Variants in ARHGEF3 observed in about 807,000 individuals in gnomAD.
ARHGEF3 encodes Rho guanine nucleotide exchange factor 3.
ARHGEF3 carries 28 observed loss-of-function variants against 63.2 expected under a neutral mutation model. That is an observed-to-expected ratio of 0.44 (90% CI 0.33 to 0.61). ARHGEF3 has a LOEUF of 0.61. Among genes scored for constraint, ARHGEF3 ranks in the 20% least tolerant of loss-of-function variants. The probability of loss-of-function intolerance (pLI) is 0.03; values close to 1 mark genes in which losing one functional copy is unlikely to be tolerated. For synonymous variants in ARHGEF3, 266 were observed against 254.2 expected, an observed-to-expected ratio of 1.05 and a Z score of -0.44; for missense variants, 533 against 659.3, an observed-to-expected ratio of 0.81 and a Z score of 2.10.
chr3:57,025,584 C>G (rs1703438852), intron 2 of ARHGEF3, among the ~76,000 whole-genome samples: 1 of 152,194 alleles, frequency 6.6e-6, no homozygotes, highest in Admixed American at 6.5e-5. Flanking sequence ...TTTTTCCCCT[C>G]AGAAACTCAT....
At chr3:56,764,755 A>AT (rs2035609970) in intron 2 of ARHGEF3, among the ~76,000 whole-genome samples, 1 of 130,616 alleles carries the variant, frequency 7.7e-6, no homozygotes, top group Non-Finnish European at 1.7e-5. Flanking sequence ...ATAGTCAACA[A>AT]ATTTTTTTTT....
At position 56,989,002 on chromosome 3, in the gene ARHGEF3, A is replaced by G. The variant is rs1701643949; in HGVS notation, c.63-30113T>C. On this transcript the variant is annotated intron_variant, in intron 2 of 12. Transcript: ENST00000338458. ...AAGTTAAATTACAAATAGCTGGAAG[A>G]CAATTTTTTCCAGGGCTCCTGCAGC... Among the ~76,000 whole-genome samples, 3 of 152,156 alleles carry G rather than the reference A, an allele frequency of 2.0e-5. No homozygotes were observed. In the South Asian group the frequency reaches 6.2e-4, roughly 32 times the overall value.
chr3:57,058,669 T>C (rs1424775569), intron 1 of ARHGEF3, among the ~76,000 whole-genome samples: 1 of 152,182 alleles, frequency 6.6e-6, no homozygotes, highest in African/African-American at 2.4e-5. Flanking sequence ...TTATAAATCA[T>C]GCTGCTATAA....
At chr3:56,801,565 A>G (rs2037649745) in intron 1 of ARHGEF3, 138 bp downstream of exon 1, 2 of 1,161,868 alleles carry the variant, frequency 1.7e-6, no homozygotes, top group African/African-American at 3.1e-5. Context: ...AGAGATGTAG[A>G]GAGAGAAAGT....
At chr3:57,022,952 C>G (rs1703320051) in intron 2 of ARHGEF3, among the ~76,000 whole-genome samples, 2 of 152,178 alleles carry the variant, frequency 1.3e-5, no homozygotes, top group Non-Finnish European at 2.9e-5. Flanking sequence ...AGGGCTTGCT[C>G]TCTCAACATT....
At chr3:56,770,095 T>C (rs2035924370) in intron 2 of ARHGEF3, among the ~76,000 whole-genome samples, 1 of 152,088 alleles carries the variant, frequency 6.6e-6, no homozygotes, top group African/African-American at 2.4e-5. Context: ...TTCCCCCTCA[T>C]CCTTACTGCT....
intron 2 of ARHGEF3, among the ~76,000 whole-genome samples, chr3:56,998,841 T>C (rs983087560): frequency 2.6e-5 from 4 of 152,188 alleles, no homozygotes; most frequent in African/African-American, 9.7e-5. Context: ...CCTCAGCAGA[T>C]ACCCTGAAGC....
In ARHGEF3 at chr3:56,972,427, G is replaced by C. The variant is rs557445226; in HGVS notation, c.63-13538C>G. 1.3e-3 allele frequency among the ~76,000 whole-genome samples: 201 copies of C among 152,188 alleles called. 3 individuals carry two copies. The highest frequency in any genetic ancestry group is 4.7e-3 in the African/African-American group (196 of 41,448). ...TTGCTGAGTGTCTACCATGTGCTAGGCATTATTTTAGGCATAGGGATACAG... is the reference window on the plus strand; with the variant it reads ...TTGCTGAGTGTCTACCATGTGCTAGCCATTATTTTAGGCATAGGGATACAG... On this transcript the variant is annotated intron_variant, in intron 2 of 12. Transcript: ENST00000338458.
At chr3:56,848,152 T>G (rs981615812) in intron 4 of ARHGEF3, among the ~76,000 whole-genome samples, 1 of 152,170 alleles carries the variant, frequency 6.6e-6, no homozygotes, top group African/African-American at 2.4e-5. Context: ...ATCTGTGGAT[T>G]AAATGATAGG....
intron 3 of ARHGEF3, among the ~76,000 whole-genome samples, chr3:56,923,517 A>T (rs4681934): frequency 0.6 from 90,940 of 151,756 alleles, 27,399 homozygotes; most frequent in East Asian, 0.68. Context: ...AATAGAAACT[A>T]GCAGTTTCCC....
intron 3 of ARHGEF3, among the ~76,000 whole-genome samples, chr3:56,918,623 C>A (rs1455317417): frequency 1.3e-5 from 2 of 152,178 alleles, no homozygotes; most frequent in African/African-American, 4.8e-5. Flanking sequence ...TCCTCTGATG[C>A]CCTTGCTCTG....
intron 1 of ARHGEF3, among the ~76,000 whole-genome samples, chr3:56,788,231 G>A (rs1378279151): frequency 6.6e-6 from 1 of 152,108 alleles, no homozygotes; most frequent in African/African-American, 2.4e-5. Context: ...CAGCATCAGG[G>A]AGCCTATTGG....
In ARHGEF3 at chr3:56,906,954, C is replaced by T. The variant is rs114549680; in HGVS notation, c.130-24600G>A. Among the ~76,000 whole-genome samples, 703 of 148,254 alleles carry T rather than the reference C, an allele frequency of 4.7e-3. 1 individual carries two copies. The highest frequency in any genetic ancestry group is 0.017 in the African/African-American group (668 of 40,462). The stretch of plus-strand genomic sequence containing the variant: ...ATGTGGTTACTAAGAAACTTAAAAT[C>T]GCGATTGTGGCTCACATTCTATTTT... On this transcript the variant is annotated intron_variant, in intron 3 of 12. Coordinates refer to the ARHGEF3 transcript ENST00000338458.
intron 2 of ARHGEF3, among the ~76,000 whole-genome samples, chr3:56,968,230 ATAT>A (rs1394315540): frequency 7.2e-3 from 323 of 44,868 alleles, no homozygotes; most frequent in South Asian, 9.6e-3. Flanking sequence ...TATAATATAT[ATAT>A]AAATATATAT....
At chr3:56,757,757 C>T (rs1333255820) in intron 2 of ARHGEF3, among the ~76,000 whole-genome samples, 1 of 150,940 alleles carries the variant, frequency 6.6e-6, no homozygotes, top group African/African-American at 2.4e-5. Flanking sequence ...GAGTCTTGCT[C>T]TGTCGCCCAG....
At chr3:56,745,063 G>T in intron 7 of ARHGEF3, 142 bp downstream of exon 7, 1 of 1,072,894 alleles carries the variant, frequency 9.3e-7, no homozygotes, top group Non-Finnish European at 1.3e-6. Flanking sequence ...ATCAAAACAT[G>T]GTTGATGGCA....
At chr3:56,977,634 C>A (rs1416645504) in intron 2 of ARHGEF3, among the ~76,000 whole-genome samples, 1 of 152,062 alleles carries the variant, frequency 6.6e-6, no homozygotes, top group Admixed American at 6.6e-5. Flanking sequence ...GGAGATGGGG[C>A]TCATGGAGAG....
intron 3 of ARHGEF3, among the ~76,000 whole-genome samples, chr3:56,955,353 G>A (rs999937563): frequency 9.0e-5 from 13 of 143,694 alleles, no homozygotes; most frequent in Admixed American, 4.1e-4. Flanking sequence ...AGGTCATCAC[G>A]CCCAGCTAAT....
chr3:57,034,101 C>G (rs6445845), intron 2 of ARHGEF3, among the ~76,000 whole-genome samples: 1 of 151,966 alleles, frequency 6.6e-6, no homozygotes, highest in Non-Finnish European at 1.5e-5. Context: ...TGACATTACA[C>G]TAAAAGTTTT....
Sources: gnomAD v4.1 joint callset for allele counts (sites outside exome capture counted in the v4.1 genomes callset) on GRCh38, gnomAD v4.1.1 for gene constraint, MANE v1.5 for transcripts, NCBI Gene and HGNC (gene_info 2026-07-23, HGNC 2026-07-21) for gene names.